Variants in RECQL5 observed in about 807,000 individuals in gnomAD.
The protein encoded by RECQL5 is RecQ like helicase 5.
RECQL5 carries 88 observed loss-of-function variants against 103.4 expected under a neutral mutation model. That is an observed-to-expected ratio of 0.85 (90% CI 0.72 to 1.02). RECQL5 has a LOEUF of 1.02. Ranked by LOEUF, RECQL5 falls within the 50% of genes least tolerant of loss-of-function variation. The pLI is 0.00. For synonymous variants in RECQL5, 552 were observed against 507.9 expected (o/e 1.09, Z -1.17); for missense variants, 1,232 against 1,284.3 (o/e 0.96, Z 0.62).
chr17:75,657,677 T>TA (rs1186014499), intron 7 of RECQL5, among the ~76,000 whole-genome samples: 1 of 149,776 alleles, frequency 6.7e-6, no homozygotes, highest in Non-Finnish European at 1.5e-5. Flanking sequence ...GGCCAGGAGT[T>TA]AGAGGCTGCT....
intron 18 of RECQL5, 65 bp downstream of exon 18, chr17:75,628,153 C>A: frequency 7.3e-7 from 1 of 1,366,478 alleles, no homozygotes; most frequent in Non-Finnish European, 1.0e-6. Context: ...CTCCCTGCCT[C>A]CCACCCCCAC....
At position 75,628,319 on chromosome 17, in the gene RECQL5, G is replaced by A. The variant is rs2059141258; in HGVS notation, c.2704C>T (p.Pro902Ser). The A allele has an allele frequency of 6.2e-7, 1 of 1,614,146 alleles. No homozygotes were observed. The highest frequency in any genetic ancestry group is 1.1e-5 in the South Asian group (1 of 91,088). The change falls in exon 18 of 20, where the codon CCC (proline) becomes TCC (serine). Residue 902 changes from proline (P) to serine (S), a missense_variant. Coordinates refer to ENST00000317905, the MANE Select transcript of RECQL5 (RefSeq NM_004259.7). Reference protein sequence around the residue: ...QGTLNPTAQDPFQLSAPGVSL... With the variant: ...QGTLNPTAQDSFQLSAPGVSL... ...ACGCCAGGAGCGGAGAGCTGGAAGG[G>A]GTCTTGAGCCGTGGGATTCAAGGTG...
chr17:75,647,619 C>G, intron 8 of RECQL5: 1 of 1,522,032 alleles, frequency 6.6e-7, no homozygotes. Flanking sequence ...GACCTGCCCC[C>G]ATTCCAGTGG....
At position 75,629,193 on chromosome 17, in the gene RECQL5, C is replaced by T. The variant is rs1031468094; in HGVS notation, c.2230G>A (p.Gly744Ser). 11 of 1,613,514 alleles carry T rather than the reference C, an allele frequency of 6.8e-6. No individual in the cohort carries two copies. Among genetic ancestry groups the T allele is most frequent in the Non-Finnish European group, 9.3e-6 (11 of 1,179,994 alleles). The change falls in exon 16 of 20, where the codon GGC (glycine) becomes AGC (serine). Residue 744 changes from glycine to serine, a missense_variant. Physicochemically the swap from Gly to Ser is moderately conservative, Grantham distance 56. Transcript: ENST00000317905. ...AGCTGCTGTTTCTTGCTAGCCCGGC[C>T]CTTGGCAAGGGAGCTGCCCCCAGAG... The part of the protein sequence containing the change: ...SSSGGSSLAK[G>S]RASKKQQLLA...
At chr17:75,666,628 G>T in intron 1 of RECQL5, 57 bp from the exon 2 acceptor site, 1 of 1,520,324 alleles carries the variant, frequency 6.6e-7, no homozygotes, top group Non-Finnish European at 8.9e-7. Flanking sequence ...CCTCTGTTTT[G>T]CATTAAAAAT....
intron 13 of RECQL5, 38 bp from the exon 14 acceptor site, chr17:75,630,315 G>A (rs1329568847): frequency 2.0e-6 from 3 of 1,500,530 alleles, no homozygotes; most frequent in South Asian, 2.6e-5. Context: ...GTATCAGGTG[G>A]GCCTGGGCTT....
At position 75,626,856 on chromosome 17, in the gene RECQL5, T is replaced by C. The variant is rs3177535; in HGVS notation, c.*566A>G. The C allele has an allele frequency of 4.8e-5, 19 of 394,202 alleles. No individual in the cohort carries two copies. Among genetic ancestry groups the C allele is most frequent in the Non-Finnish European group, 8.1e-5 (17 of 210,724 alleles). The allele number at this position is 394,202 out of a possible 1,614,324, so 24.4% of individuals were successfully genotyped here. Reference sequence around the variant, plus strand: ...TAAAACTCCCTGGAGAAAAGGGCTGTGTGCACGCCTGCATGCCCCACAACA... The same window carrying C: ...TAAAACTCCCTGGAGAAAAGGGCTGCGTGCACGCCTGCATGCCCCACAACA... On this transcript the variant is annotated 3_prime_UTR_variant, in exon 20 of 20. Transcript: ENST00000317905.
At chr17:75,634,057 G>A (rs913057807) in intron 8 of RECQL5, 2 of 985,612 alleles carry the variant, frequency 2.0e-6, no homozygotes, top group Non-Finnish European at 2.4e-6. Flanking sequence ...AAAAAAGCCA[G>A]GCAGAGACAG....
chr17:75,665,485 T>A (rs1248264357), intron 2 of RECQL5, among the ~76,000 whole-genome samples: 2 of 151,524 alleles, frequency 1.3e-5, no homozygotes, highest in African/African-American at 4.9e-5. Context: ...AGGGCAAGAG[T>A]TTGAGACCAG....
In RECQL5 at chr17:75,658,415, G is replaced by A; in HGVS notation, c.1032C>T (p.Tyr344=). The A allele has an allele frequency of 6.2e-7, 1 of 1,614,040 alleles. No individual in the cohort carries two copies. Among genetic ancestry groups the A allele is most frequent in the Non-Finnish European group, 8.5e-7 (1 of 1,179,952 alleles). ...CCCTGCCAGCCCGGCCAGACTCCTG[G>A]TAGTACCCAGCCATAGACTTGGCAA... is the stretch of plus-strand genomic sequence containing the variant. The part of the protein sequence containing the change: ...WNIAKSMAGY[Y]QESGRAGRDG... The change falls in exon 7 of 20, where the codon TAC becomes TAT. Residue 344 remains tyrosine, a synonymous_variant. Transcript: ENST00000317905.
Position 75,662,700 on chromosome 17 carries a change from C to T in RECQL5, c.550G>A (p.Gly184Arg). Residue 184 changes from glycine (G) to arginine (R), a missense_variant, in exon 4 of 20, where the codon GGA (glycine) becomes AGA (arginine). Coordinates refer to ENST00000317905, the MANE Select transcript of RECQL5 (RefSeq NM_004259.7). The part of the protein sequence containing the change: ...LRLGALRSRL[G>R]HAPCVALTAT... ...GTCAGAGCCACACAAGGGGCATGTC[C>T]CAGGCGGGAGCGCAGGGCACCCAGA... 1 of 1,614,030 alleles carries T rather than the reference C, an allele frequency of 6.2e-7. No homozygotes were observed. The highest frequency in any genetic ancestry group is 1.1e-5 in the South Asian group (1 of 91,080).
intron 9 of RECQL5, 71 bp downstream of exon 9, chr17:75,631,379 G>T: frequency 6.4e-7 from 1 of 1,560,804 alleles, no homozygotes; most frequent in Non-Finnish European, 8.8e-7. Context: ...GCCACCTCTG[G>T]TCTGGCCCTG....
chr17:75,633,948 C>A (rs994146587), intron 8 of RECQL5: 3 of 985,574 alleles, frequency 3.0e-6, no homozygotes, highest in Non-Finnish European at 3.6e-6. Flanking sequence ...GGTGAGGCAC[C>A]GGGACATGAA....
chr17:75,630,911 G>A (rs1369864997), intron 11 of RECQL5, 63 bp downstream of exon 11: 4 of 1,595,088 alleles, frequency 2.5e-6, no homozygotes, highest in Admixed American at 3.5e-5. Flanking sequence ...CAGCCCGGAT[G>A]AGAATCCTCC....
chr17:75,642,528 TAA>T (rs956465023), intron 8 of RECQL5, among the ~76,000 whole-genome samples: 12 of 152,354 alleles, frequency 7.9e-5, no homozygotes, highest in African/African-American at 2.6e-4. Flanking sequence ...AGGTTTAGGT[TAA>T]AGACCCAGAG....
chr17:75,661,131 T>G (rs2059693546), intron 5 of RECQL5, 65 bp from the exon 6 acceptor site: 1 of 1,322,940 alleles, frequency 7.6e-7, no homozygotes, highest in Non-Finnish European at 1.1e-6. Flanking sequence ...GGGGCCTATT[T>G]TGGGTTTGAC....
intron 8 of RECQL5, chr17:75,649,741 T>C (rs2059531541): frequency 1.0e-6 from 1 of 985,506 alleles, no homozygotes; most frequent in South Asian, 4.7e-5. Context: ...TATTCCAGCC[T>C]GCTGCCTGGA....
chr17:75,634,621 C>T (rs759054064), intron 8 of RECQL5, among the ~76,000 whole-genome samples: 4 of 152,202 alleles, frequency 2.6e-5, no homozygotes, highest in Non-Finnish European at 5.9e-5. Flanking sequence ...AGCGCAGGGT[C>T]TGCCCAGCCA....
chr17:75,652,152 G>A (rs1001066306), intron 7 of RECQL5, among the ~76,000 whole-genome samples: 19 of 152,166 alleles, frequency 1.2e-4, no homozygotes, highest in African/African-American at 2.2e-4. Context: ...ACTTGAACCC[G>A]GGAGGCAGAG....
Sources: allele counts gnomAD v4.1 joint callset (sites outside exome capture counted in the v4.1 genomes callset), GRCh38; gene constraint gnomAD v4.1.1; transcripts MANE v1.5; gene names NCBI Gene and HGNC (gene_info 2026-07-23, HGNC 2026-07-21).